NTRK1: variants seen among roughly 807,000 people sequenced by gnomAD.
NTRK1 encodes the protein neurotrophic receptor tyrosine kinase 1.
In NTRK1, 62 loss-of-function variants were observed where a neutral mutation model predicts 86.8. That is an observed-to-expected ratio of 0.71 (90% confidence interval 0.58 to 0.88). NTRK1 has a LOEUF of 0.88. NTRK1 is among the 40% of genes least tolerant of loss of function. The pLI, the probability that NTRK1 is intolerant of heterozygous loss-of-function variation, is 0.00. For synonymous variants in NTRK1, 469 were observed against 456.6 expected, an observed-to-expected ratio of 1.03 and a Z score of -0.35; for missense variants, 967 against 1,078.4, an observed-to-expected ratio of 0.90 and a Z score of 1.45.
At chr1:156,839,413 C>T (rs1342075142) in intron 1 of NTRK1, among the ~76,000 whole-genome samples, 1 of 152,250 alleles carries the variant, frequency 6.6e-6, no homozygotes, top group Non-Finnish European at 1.5e-5. Flanking sequence ...CCACCCCCTT[C>T]GTCAAGGTTT....
At chr1:156,846,593 G>A (rs377121387) in intron 2 of NTRK1, 22 of 1,614,160 alleles carry the variant, frequency 1.4e-5, no homozygotes, top group Middle Eastern at 1.6e-4. Context: ...AGTGGTTAGC[G>A]TGATGGCCCG....
chr1:156,846,263 TG>T, intron 2 of NTRK1: 6 of 942,154 alleles, frequency 6.4e-6, no homozygotes, highest in Non-Finnish European at 9.3e-6. Flanking sequence ...TAGAACTCAG[TG>T]TTTTGTTTCT....
intron 1 of NTRK1, among the ~76,000 whole-genome samples, chr1:156,835,955 TG>T (rs1424586544): frequency 1.3e-5 from 2 of 152,136 alleles, no homozygotes; most frequent in Admixed American, 6.5e-5. Context: ...CTCCGTTTCT[TG>T]TCTGAACCTG....
intron 1 of NTRK1, among the ~76,000 whole-genome samples, chr1:156,817,474 G>A (rs1367013133): frequency 6.6e-6 from 1 of 151,564 alleles, no homozygotes; most frequent in Non-Finnish European, 1.5e-5. Flanking sequence ...ATAAGACAAG[G>A]GGTTAGAGAG....
intron 2 of NTRK1, among the ~76,000 whole-genome samples, chr1:156,855,328 C>T (rs1156731095): frequency 2.0e-5 from 3 of 152,200 alleles, no homozygotes; most frequent in Non-Finnish European, 4.4e-5. Context: ...CTCAGCCTCC[C>T]GAGTAGCTGG....
chr1:156,874,992 C>A lies in NTRK1; in HGVS notation c.1338C>A (p.Asn446Lys), dbSNP rs1219120956. Residue 446 changes from asparagine (N) to lysine (K), a missense_variant, in exon 11 of 17, where the codon AAC becomes AAA. By Grantham distance (94) the Asn-to-Lys change is moderately conservative. Around this residue, in one of 2 missense-constraint regions of NTRK1, gnomAD observed 637 missense variants for 776.5 expected, o/e 0.82. Coordinates refer to ENST00000524377, the MANE Select transcript of NTRK1 (RefSeq NM_002529.4). ...LLVLNKCGRR[N>K]KFGINRPAVL... is the part of the protein sequence containing the mutation. Reference sequence around the variant, plus strand: ...TGCTCAACAAATGTGGACGGAGAAACAAGTTTGGGATCAACCGTGAGTCGG... The same window carrying A: ...TGCTCAACAAATGTGGACGGAGAAAAAAGTTTGGGATCAACCGTGAGTCGG... The A allele has an allele frequency of 6.2e-7, 1 of 1,613,610 alleles. No individual in the cohort carries two copies. Among genetic ancestry groups the A allele is most frequent in the South Asian group, 1.1e-5 (1 of 91,062 alleles).
At chr1:156,859,607 G>C (rs151230520), upstream of NTRK1, among the ~76,000 whole-genome samples, 68 of 152,286 alleles carry the variant, frequency 4.5e-4, no homozygotes, top group Middle Eastern at 0.01. The surrounding 1 kb of genome is among the most constrained non-coding windows in gnomAD (Gnocchi z 6.2). Flanking sequence ...TCACCGCCTA[G>C]TCCCTTGGTT....
intron 7 of NTRK1, among the ~76,000 whole-genome samples, chr1:156,873,072 TG>T (rs1289057588): frequency 7.6e-6 from 1 of 131,352 alleles, no homozygotes; most frequent in African/African-American, 2.9e-5. Flanking sequence ...TTTGAAGAGA[TG>T]GGGTCTCAGC....
At position 156,820,078 on chromosome 1, in the gene NTRK1, G is replaced by C. The variant is rs186042825; in HGVS notation, c.-64+4240G>C. Among the ~76,000 whole-genome samples, 17 of 152,232 alleles carry C rather than the reference G, an allele frequency of 1.1e-4. No homozygotes were observed. In the East Asian group the frequency reaches 3.1e-3, roughly 28 times the overall value. ...CAATGTCCAGAAGAGTTTTTTGGAT[G>C]TTATCTTCTAGAATTTTTATGGTTT... is the stretch of plus-strand genomic sequence containing the variant. On this transcript the variant is annotated intron_variant, in intron 1 of 16. Transcript: ENST00000392302.
Position 156,874,393 on chromosome 1 carries a change from G to A in NTRK1, c.1188G>A (p.Ser396=), listed in dbSNP as rs1558104691. ...TCCCTCCTGCTGCAGTCTCCTTCTC[G>A]CCGGTGGGTGAGTAGCCCAAGGTGG... ...NPEDPIPVSF[S]PVDTNSTSGD... is the part of the protein sequence containing the mutation. The change falls in exon 9 of 17, where the codon TCG becomes TCA. Residue 396 remains serine (S), a synonymous_variant. Transcript: ENST00000524377. The A allele has an allele frequency of 6.2e-6, 10 of 1,613,966 alleles. No individual in the cohort carries two copies. The highest frequency in any genetic ancestry group is 4.0e-5 in the African/African-American group (3 of 74,952).
At chr1:156,855,920 T>C (rs1452530403), upstream of NTRK1, among the ~76,000 whole-genome samples, 2 of 150,056 alleles carry the variant, frequency 1.3e-5, no homozygotes, top group Non-Finnish European at 3.0e-5. Context: ...CTAATGTGCG[T>C]GTGTGTGTGT....
chr1:156,842,015 AG>A, intron 1 of NTRK1: 2 of 1,585,742 alleles, frequency 1.3e-6, no homozygotes, highest in Non-Finnish European at 1.7e-6. Context: ...AGGGTCTCAC[AG>A]GCTGTCAGGA....
chr1:156,874,071 A>C, intron 8 of NTRK1, 112 bp downstream of exon 8: 1 of 1,197,912 alleles, frequency 8.3e-7, no homozygotes, highest in Non-Finnish European at 1.2e-6. Context: ...TCGGGACAGA[A>C]AGGAGTCTGG....
chr1:156,872,179 C>A (rs1647600177), intron 7 of NTRK1, among the ~76,000 whole-genome samples: 1 of 152,190 alleles, frequency 6.6e-6, no homozygotes, highest in Admixed American at 6.5e-5. Context: ...AAATATTCTA[C>A]TTTACATCAG....
At chr1:156,816,626 G>A in intron 1 of NTRK1, 1 of 1,578,020 alleles carries the variant, frequency 6.3e-7, no homozygotes, top group Non-Finnish European at 8.6e-7. Context: ...GCAGGGGGAT[G>A]GGGGTCTTTG....
At chr1:156,869,964 C>T (rs113640844) in intron 6 of NTRK1, among the ~76,000 whole-genome samples, 108 of 152,300 alleles carry the variant, frequency 7.1e-4, no homozygotes, top group Middle Eastern at 3.4e-3. Context: ...GGAGAGTCCA[C>T]CCCAGAATTG....
Position 156,871,673 on chromosome 1 carries a change from T to C in NTRK1, c.768T>C (p.Ser256=). 1 of 1,614,180 alleles carries C rather than the reference T, an allele frequency of 6.2e-7. No individual in the cohort carries two copies. Among genetic ancestry groups the C allele is most frequent in the Non-Finnish European group, 8.5e-7 (1 of 1,180,038 alleles). The change falls in exon 7 of 17, where the codon AGT becomes AGC. Residue 256 remains serine (S), a synonymous_variant. Transcript: ENST00000524377. ...SLGLTLANVT[S]DLNRKNVTCW... ...GGCTGACCCTGGCCAATGTCACCAG[T>C]GACCTCAACAGGAAGAACGTGACGT... is the stretch of plus-strand genomic sequence containing the variant.
chr1:156,881,667 G>A lies in NTRK1; in HGVS notation c.*25G>A, dbSNP rs1362166261. 6.3e-7 allele frequency: 1 copy of A among 1,586,880 alleles called. No individual in the cohort carries two copies. Among genetic ancestry groups the A allele is most frequent in the Non-Finnish European group, 8.6e-7 (1 of 1,167,374 alleles). The stretch of plus-strand genomic sequence containing the variant: ...GGGGGCCGGCCCAGGGGCTGGGAGT[G>A]GTTAGCCGGAATACTGGGGCCTGCC... On this transcript the variant is annotated 3_prime_UTR_variant, in exon 17 of 17. Coordinates refer to ENST00000524377, the MANE Select transcript of NTRK1 (RefSeq NM_002529.4).
At chr1:156,843,422 C>A (rs776798739) in intron 2 of NTRK1, 1 of 1,614,066 alleles carries the variant, frequency 6.2e-7, no homozygotes, top group African/African-American at 1.3e-5. Context: ...CACTCCCAGA[C>A]CTACTATCAG....
Sources: allele counts gnomAD v4.1 joint callset (sites outside exome capture counted in the v4.1 genomes callset), GRCh38; gene constraint gnomAD v4.1.1; regional missense constraint gnomAD v4.1.1; non-coding constraint Gnocchi (gnomAD v3.1); transcripts MANE v1.5; gene names NCBI Gene and HGNC (gene_info 2026-07-23, HGNC 2026-07-21).